Variants in MCHR2 observed in about 807,000 individuals in gnomAD.
MCHR2 encodes melanin-concentrating hormone receptor 2.
In MCHR2, 15 loss-of-function variants were observed where a neutral mutation model predicts 24.8. The observed-to-expected ratio is 0.60, with a 90% CI of 0.40 to 0.93. The LOEUF (loss-of-function observed/expected upper bound fraction) is 0.93. MCHR2 is among the 40% of genes least tolerant of loss of function. MCHR2 has a pLI of 0.00. For missense variants in MCHR2, 386 were observed against 408.7 expected, an observed-to-expected ratio of 0.94 and a Z score of 0.48; for synonymous variants, 151 against 147.6, an observed-to-expected ratio of 1.02 and a Z score of -0.17.
chr6:99,967,181 T>G (rs1275693774), intron 1 of MCHR2, among the ~76,000 whole-genome samples: 1 of 151,762 alleles, frequency 6.6e-6, no homozygotes, highest in Non-Finnish European at 1.5e-5. Context: ...CAGAAATTTA[T>G]GCTTGTGAGG....
intron 3 of MCHR2, among the ~76,000 whole-genome samples, chr6:99,944,643 T>C (rs936214396): frequency 6.6e-6 from 1 of 152,114 alleles, no homozygotes; most frequent in African/African-American, 2.4e-5. Context: ...AAGGGCCTCT[T>C]TTCTCCCTGC....
At chr6:99,940,767 T>A (rs1774755108) in intron 4 of MCHR2, among the ~76,000 whole-genome samples, 1 of 152,180 alleles carries the variant, frequency 6.6e-6, no homozygotes, top group African/African-American at 2.4e-5. Context: ...AGGTGGTGCC[T>A]TAAGCCCAGG....
intron 4 of MCHR2, among the ~76,000 whole-genome samples, chr6:99,942,005 C>T (rs900157648): frequency 6.6e-6 from 1 of 152,266 alleles, no homozygotes; most frequent in Non-Finnish European, 1.5e-5. Flanking sequence ...GTAAAAATAT[C>T]TAACACAGTT....
At chr6:99,955,837 T>A (rs773080187) in intron 2 of MCHR2, 129 bp downstream of exon 2, 22 of 739,630 alleles carry the variant, frequency 3.0e-5, no homozygotes, top group Admixed American at 3.7e-5. Context: ...TTAATTATCT[T>A]AAGCAAATAT....
At chr6:99,942,095 T>G (rs771821497) in intron 4 of MCHR2, among the ~76,000 whole-genome samples, 2 of 152,222 alleles carry the variant, frequency 1.3e-5, no homozygotes, top group Non-Finnish European at 2.9e-5. Context: ...AGACTTTTAA[T>G]TTCTTTTTAA....
chr6:99,931,251 G>A (rs968795961), intron 5 of MCHR2, among the ~76,000 whole-genome samples: 9 of 152,194 alleles, frequency 5.9e-5, no homozygotes, highest in Non-Finnish European at 1.2e-4. Context: ...CCCCTACTGG[G>A]GGGTGCCTCC....
Position 99,947,927 on chromosome 6 carries a change from G to T in MCHR2, c.227C>A (p.Ala76Asp). 1 of 1,613,716 alleles carries T rather than the reference G, an allele frequency of 6.2e-7. No homozygotes were observed. Among genetic ancestry groups the T allele is most frequent in the Non-Finnish European group, 8.5e-7 (1 of 1,179,768 alleles). Residue 76 changes from alanine (A) to aspartate (D), a missense_variant, in exon 3 of 6, where the codon GCT (alanine) becomes GAT (aspartate). Ala to Asp is a moderately radical substitution (Grantham distance 126). Transcript: ENST00000281806. ...TVPDIYICNL[A>D]VADLVHIVGM... Reference sequence around the variant, plus strand: ...AACTATGTGGACCAAATCAGCCACAGCCAGGTTGCAGATATAGATGTCAGG... The same window carrying T: ...AACTATGTGGACCAAATCAGCCACATCCAGGTTGCAGATATAGATGTCAGG...
intron 5 of MCHR2, among the ~76,000 whole-genome samples, chr6:99,927,729 A>T (rs1378708083): frequency 1.3e-5 from 2 of 152,006 alleles, no homozygotes; most frequent in East Asian, 3.9e-4. Context: ...GCTTAAGGAG[A>T]TTTTGGACTG....
intron 1 of MCHR2, among the ~76,000 whole-genome samples, chr6:99,960,754 T>C (rs1227098586): frequency 6.6e-6 from 1 of 152,088 alleles, no homozygotes; most frequent in African/African-American, 2.4e-5. Flanking sequence ...TAATAAATGG[T>C]GTTGGGAAAA....
intron 1 of MCHR2, among the ~76,000 whole-genome samples, chr6:99,991,724 G>A (rs779112070): frequency 6.1e-5 from 9 of 147,156 alleles, no homozygotes; most frequent in Non-Finnish European, 1.3e-4. Flanking sequence ...GGAGAATGGC[G>A]AGAACCCGGG....
chr6:99,972,458 C>T (rs1026137331), intron 1 of MCHR2, among the ~76,000 whole-genome samples: 3 of 152,020 alleles, frequency 2.0e-5, no homozygotes, highest in African/African-American at 7.2e-5. Context: ...CTCTTTTCTT[C>T]TTTATTAGTC....
chr6:99,923,985 T>C (rs181992811), intron 5 of MCHR2, among the ~76,000 whole-genome samples: 1 of 152,064 alleles, frequency 6.6e-6, no homozygotes, highest in Admixed American at 6.6e-5. Context: ...TTGATTAGAA[T>C]TTGTATTAGC....
intron 1 of MCHR2, among the ~76,000 whole-genome samples, chr6:99,977,994 C>G (rs1357931739): frequency 1.3e-5 from 2 of 152,178 alleles, no homozygotes; most frequent in African/African-American, 4.8e-5. Flanking sequence ...ATTATACCCA[C>G]GAAGTGAGCA....
At chr6:99,950,435 A>G (rs932230186) in intron 2 of MCHR2, among the ~76,000 whole-genome samples, 1 of 152,136 alleles carries the variant, frequency 6.6e-6, no homozygotes, top group South Asian at 2.1e-4. Flanking sequence ...AAATACAAAG[A>G]CTTGTGATAA....
intron 5 of MCHR2, among the ~76,000 whole-genome samples, chr6:99,929,088 G>A (rs561139207): frequency 2.0e-5 from 3 of 152,112 alleles, no homozygotes; most frequent in Non-Finnish European, 2.9e-5. Flanking sequence ...CCTTCATTTC[G>A]TTATATACCC....
intron 5 of MCHR2, among the ~76,000 whole-genome samples, chr6:99,926,936 C>A (rs1774375258): frequency 6.6e-6 from 1 of 152,242 alleles, no homozygotes; most frequent in South Asian, 2.1e-4. Flanking sequence ...AATGGTAATG[C>A]CTAGGTTTTC....
intron 1 of MCHR2, among the ~76,000 whole-genome samples, chr6:99,960,875 C>T (rs561720702): frequency 1.3e-5 from 2 of 152,222 alleles, no homozygotes; most frequent in South Asian, 4.1e-4. Context: ...ACCATAAAAA[C>T]CCTAGAAGAA....
intron 1 of MCHR2, among the ~76,000 whole-genome samples, chr6:99,963,107 A>G (rs1419869777): frequency 7.5e-6 from 1 of 132,784 alleles, no homozygotes; most frequent in African/African-American, 2.6e-5. Context: ...ACAAATGACA[A>G]TTAAAAAAAA....
At chr6:99,975,376 G>A (rs557758752) in intron 1 of MCHR2, among the ~76,000 whole-genome samples, 1 of 152,318 alleles carries the variant, frequency 6.6e-6, no homozygotes, top group South Asian at 2.1e-4. Flanking sequence ...TCTGAGCCAG[G>A]TGCAGGATAT....
Sources: allele counts gnomAD v4.1 joint callset (sites outside exome capture counted in the v4.1 genomes callset), GRCh38; gene constraint gnomAD v4.1.1; transcripts MANE v1.5; gene names NCBI Gene and HGNC (gene_info 2026-07-23, HGNC 2026-07-21).